YTHDC2: variants seen among roughly 807,000 people sequenced by gnomAD.
YTHDC2 encodes the protein 3'-5' RNA helicase YTHDC2.
A neutral mutation model predicts 174.9 loss-of-function variants in YTHDC2; 45 were observed. That is an observed-to-expected ratio of 0.26 (90% CI 0.20 to 0.33). The LOEUF (loss-of-function observed/expected upper bound fraction) is 0.33, where lower values mean the gene tolerates loss of function less well. YTHDC2 is among the 10% of genes least tolerant of loss of function. YTHDC2 has a pLI of 1.00. For missense variants in YTHDC2, 1,650 were observed against 1,723.7 expected (o/e 0.96, Z 0.76); for synonymous variants, 657 against 574.5 (o/e 1.14, Z -2.05).
At chr5:113,561,690 A>G (rs886432886) in intron 18 of YTHDC2, among the ~76,000 whole-genome samples, 2 of 151,928 alleles carry the variant, frequency 1.3e-5, no homozygotes, top group Non-Finnish European at 2.9e-5. Flanking sequence ...CCTGGTCTCA[A>G]ACTCTTGACC....
chr5:113,588,108 T>C (rs2112814519), intron 26 of YTHDC2, among the ~76,000 whole-genome samples: 1 of 152,242 alleles, frequency 6.6e-6, no homozygotes, highest in African/African-American at 2.4e-5. Flanking sequence ...TATGACCTTA[T>C]TTCATTTATT....
intron 23 of YTHDC2, among the ~76,000 whole-genome samples, chr5:113,577,667 G>A (rs1005751348): frequency 1.3e-5 from 2 of 152,042 alleles, no homozygotes; most frequent in South Asian, 2.1e-4. Context: ...ACCGCACCTG[G>A]CCTCTTTTGT....
Position 113,542,405 on chromosome 5 carries a change from T to C in YTHDC2, c.1397T>C (p.Ile466Thr). 6.2e-7 allele frequency: 1 copy of C among 1,612,874 alleles called. No homozygotes were observed. Among genetic ancestry groups the C allele is most frequent in the East Asian group, 2.2e-5 (1 of 44,752 alleles). The change falls in exon 10 of 30, where the codon ATA becomes ACA. Residue 466 changes from isoleucine to threonine, a missense_variant. By Grantham distance (89) the Ile-to-Thr change is moderately conservative. Transcript: ENST00000161863. ...KDVNCLEPWL[I>T]KEMDACLSDI... Reference sequence around the variant, plus strand: ...GTGAATTGCCTTGAACCATGGTTAATAAAGGAAATGGATGCTTGCCTTTCT... The same window carrying C: ...GTGAATTGCCTTGAACCATGGTTAACAAAGGAAATGGATGCTTGCCTTTCT...
chr5:113,561,084 G>A lies in YTHDC2; in HGVS notation c.2221G>A (p.Gly741Arg). ...ATCTTGTACTTTATTTTTAAGGGCAGGGCGATGTAGACCTGGAATTTGTTT... is the reference window on the plus strand; with the variant it reads ...ATCTTGTACTTTATTTTTAAGGGCAAGGCGATGTAGACCTGGAATTTGTTT... Reference protein sequence around the residue: ...ASAIQRKGRAGRCRPGICFRL... With the variant: ...ASAIQRKGRARRCRPGICFRL... Residue 741 changes from glycine to arginine, a missense_variant, in exon 18 of 30, where the codon GGG (glycine) becomes AGG (arginine). By Grantham distance (125) the Gly-to-Arg change is moderately radical (BLOSUM62 -2). Around this residue, in one of 5 missense-constraint regions of YTHDC2, gnomAD observed 913 missense variants for 940.4 expected, o/e 0.97. Coordinates refer to ENST00000161863, the MANE Select transcript of YTHDC2 (RefSeq NM_022828.5). 6.2e-7 allele frequency: 1 copy of A among 1,605,088 alleles called. No individual in the cohort carries two copies. Among genetic ancestry groups the A allele is most frequent in the Non-Finnish European group, 8.5e-7 (1 of 1,174,962 alleles).
chr5:113,586,406 G>A (rs1196821631), intron 26 of YTHDC2, among the ~76,000 whole-genome samples: 3 of 151,796 alleles, frequency 2.0e-5, no homozygotes, highest in Non-Finnish European at 4.4e-5. Flanking sequence ...TATATTCTGG[G>A]TACAAGGCTT....
intron 24 of YTHDC2, among the ~76,000 whole-genome samples, chr5:113,580,262 T>A (rs1257030169): frequency 1.3e-5 from 2 of 152,120 alleles, no homozygotes; most frequent in Non-Finnish European, 2.9e-5. Flanking sequence ...GGACAAAAAC[T>A]TCAAACTGTA....
chr5:113,513,907 G>A lies in YTHDC2; in HGVS notation c.12G>A (p.Pro4=). The change falls in exon 1 of 30, where the codon CCG becomes CCA. Residue 4 remains proline (P), a synonymous_variant. Coordinates refer to ENST00000161863, the MANE Select transcript of YTHDC2 (RefSeq NM_022828.5). ...ATCTCTTCAGGGCAATGTCCAGGCC[G>A]AGCAGCGTCTCCCCGCGGCAGCCGG... MSR[P]SSVSPRQPAP... The A allele has an allele frequency of 6.2e-7, 1 of 1,604,452 alleles. No individual in the cohort carries two copies. Among genetic ancestry groups the A allele is most frequent in the Non-Finnish European group, 8.5e-7 (1 of 1,176,380 alleles).
chr5:113,555,672 ATCT>A (rs3842056), intron 16 of YTHDC2, among the ~76,000 whole-genome samples: 55,855 of 151,682 alleles, frequency 0.37, 12,652 homozygotes, highest in East Asian at 0.67. Context: ...TCTTTCCTTG[ATCT>A]TCTTATTCTG....
At position 113,556,813 on chromosome 5, in the gene YTHDC2, G is replaced by A. The variant is rs75636012; in HGVS notation, c.2216+679G>A. Among the ~76,000 whole-genome samples the A allele has an allele frequency of 8.5e-3, 1,296 of 152,238 alleles. 21 individuals are homozygous for A. The highest frequency in any genetic ancestry group is 0.03 in the African/African-American group (1,242 of 41,544). ...ATTTATCCTGAGTATGCTTGCACACGTGTGCAAAGATGTATGTTTAAGACT... is the reference window on the plus strand; with the variant it reads ...ATTTATCCTGAGTATGCTTGCACACATGTGCAAAGATGTATGTTTAAGACT... On this transcript the variant is annotated intron_variant, in intron 17 of 29. Coordinates refer to ENST00000161863, the MANE Select transcript of YTHDC2 (RefSeq NM_022828.5).
intron 10 of YTHDC2, among the ~76,000 whole-genome samples, chr5:113,548,265 A>G (rs1160196283): frequency 6.6e-6 from 1 of 152,214 alleles, no homozygotes; most frequent in Non-Finnish European, 1.5e-5. Context: ...TTCTGTTGAA[A>G]TAATATAGAT....
intron 10 of YTHDC2, among the ~76,000 whole-genome samples, chr5:113,542,914 T>A (rs904208966): frequency 6.6e-6 from 1 of 152,224 alleles, no homozygotes; most frequent in Non-Finnish European, 1.5e-5. Context: ...TTGAAATATT[T>A]TACTCAGTTA....
intron 24 of YTHDC2, 54 bp from the exon 25 acceptor site, chr5:113,581,363 A>G: frequency 6.8e-7 from 1 of 1,470,320 alleles, no homozygotes; most frequent in Non-Finnish European, 9.0e-7. Flanking sequence ...ATCAACACAT[A>G]GGTGTTTTGC....
Position 113,592,051 on chromosome 5 carries a change from C to G in YTHDC2, c.4085C>G (p.Ser1362Cys), listed in dbSNP as rs1779030538. Residue 1362 changes from serine to cysteine, a missense_variant, in exon 28 of 30, where the codon TCT (serine) becomes TGT (cysteine). Physicochemically the swap from Ser to Cys is moderately radical, Grantham distance 112 (BLOSUM62 -1). Around this residue, in one of 5 missense-constraint regions of YTHDC2, gnomAD observed 913 missense variants for 940.4 expected, o/e 0.97. Transcript: ENST00000161863. ...IGREKSQDWG[S>C]AGLGGVFKVE... ...AGGGAAAAGAGTCAGGACTGGGGCT[C>G]TGCTGGACTAGGAGGAGTATTTAAG... 6.2e-7 allele frequency: 1 copy of G among 1,612,768 alleles called. No individual in the cohort carries two copies. Among genetic ancestry groups the G allele is most frequent in the African/African-American group, 1.3e-5 (1 of 74,830 alleles).
At chr5:113,542,324 T>G (rs751046568) in intron 9 of YTHDC2, 44 bp from the exon 10 acceptor site, 1 of 1,593,002 alleles carries the variant, frequency 6.3e-7, no homozygotes, top group African/African-American at 1.4e-5. Context: ...CAAGCAAATG[T>G]TAGGTAATTT....
intron 6 of YTHDC2, among the ~76,000 whole-genome samples, chr5:113,535,067 A>G (rs1025717266): frequency 2.6e-5 from 4 of 152,194 alleles, no homozygotes; most frequent in African/African-American, 7.2e-5. Flanking sequence ...GACTTTACTT[A>G]TAATTTTTTG....
chr5:113,563,559 T>C, intron 19 of YTHDC2, 67 bp downstream of exon 19: 1 of 1,471,452 alleles, frequency 6.8e-7, no homozygotes, highest in African/African-American at 1.4e-5. Flanking sequence ...AAAGGAAATA[T>C]GTCTTAACTA....
At chr5:113,577,529 C>T (rs1289844296) in intron 23 of YTHDC2, among the ~76,000 whole-genome samples, 1 of 152,072 alleles carries the variant, frequency 6.6e-6, no homozygotes, top group African/African-American at 2.4e-5. Context: ...ACCACCATGC[C>T]TGGCTAATGT....
chr5:113,544,050 C>T (rs1775671787), intron 10 of YTHDC2, among the ~76,000 whole-genome samples: 1 of 152,128 alleles, frequency 6.6e-6, no homozygotes. Context: ...AGAATGAAAA[C>T]TACATGAGGG....
intron 7 of YTHDC2, 45 bp from the exon 8 acceptor site, chr5:113,539,029 T>A (rs781396826): frequency 4.1e-6 from 4 of 969,892 alleles, no homozygotes; most frequent in South Asian, 3.7e-5. Context: ...ATGTGAATTT[T>A]CTCCAAGATG....
Sources: allele counts gnomAD v4.1 joint callset (sites outside exome capture counted in the v4.1 genomes callset), GRCh38; gene constraint gnomAD v4.1.1; regional missense constraint gnomAD v4.1.1; transcripts MANE v1.5; gene names NCBI Gene and HGNC (gene_info 2026-07-23, HGNC 2026-07-21).